The following FBXL17 variants were observed in gnomAD, a reference collection of about 807,000 sequenced individuals.
The protein encoded by FBXL17 is F-box and leucine rich repeat protein 17, also known as F-box/LRR-repeat protein 17.
A neutral mutation model predicts 66.2 loss-of-function variants in FBXL17; 22 were observed. The observed-to-expected ratio is 0.33, with a 90% CI of 0.24 to 0.47. The LOEUF (loss-of-function observed/expected upper bound fraction) is 0.47, where lower values mean the gene tolerates loss of function less well. Ranked by LOEUF, FBXL17 falls within the 20% of genes least tolerant of loss-of-function variation. The pLI is 1.00. For missense variants in FBXL17, 878 were observed against 948.2 expected (o/e 0.93, Z 0.97); for synonymous variants, 474 against 400.5 (o/e 1.18, Z -2.19).
intron 4 of FBXL17, among the ~76,000 whole-genome samples, chr5:108,328,851 C>CT (rs1182737331): frequency 1.4e-5 from 2 of 147,128 alleles, no homozygotes; most frequent in Non-Finnish European, 3.0e-5. Flanking sequence ...AAGAGATACT[C>CT]TAACTAATCA....
intron 8 of FBXL17, chr5:107,878,176 T>C: frequency 1.1e-6 from 1 of 901,200 alleles, no homozygotes; most frequent in Non-Finnish European, 1.3e-6. Flanking sequence ...AAAATAATCT[T>C]AATTTTAAAT....
intron 6 of FBXL17, among the ~76,000 whole-genome samples, chr5:108,162,684 A>G (rs1426673127): frequency 6.6e-6 from 1 of 152,232 alleles, no homozygotes; most frequent in Non-Finnish European, 1.5e-5. Context: ...TTCTACCTAT[A>G]CAACACTGGG....
chr5:108,319,556 T>G (rs1759523945), intron 4 of FBXL17, among the ~76,000 whole-genome samples: 1 of 151,786 alleles, frequency 6.6e-6, no homozygotes, highest in Admixed American at 6.6e-5. Flanking sequence ...AAAATACTAC[T>G]TTCAAGATAA....
chr5:108,242,352 G>GTTGT, intron 4 of FBXL17, among the ~76,000 whole-genome samples: 1 of 30,608 alleles, frequency 3.3e-5, no homozygotes. Context: ...TGGCTAGTTT[G>GTTGT]TTGTTGTTGT....
At chr5:107,968,701 G>T (rs1188378241) in intron 7 of FBXL17, among the ~76,000 whole-genome samples, 1 of 152,038 alleles carries the variant, frequency 6.6e-6, no homozygotes, top group African/African-American at 2.4e-5. Flanking sequence ...AATAAAAATT[G>T]CCTCTGAATA....
chr5:108,346,446 A>C (rs1250867915), intron 4 of FBXL17, among the ~76,000 whole-genome samples: 1 of 152,142 alleles, frequency 6.6e-6, no homozygotes, highest in Non-Finnish European at 1.5e-5. Context: ...AAAAACATAA[A>C]CAGTTGCTTT....
At chr5:108,189,691 G>C (rs1753389079) in intron 5 of FBXL17, among the ~76,000 whole-genome samples, 1 of 152,152 alleles carries the variant, frequency 6.6e-6, no homozygotes, top group Non-Finnish European at 1.5e-5. Flanking sequence ...GACACTGAAT[G>C]AATCAAAAGG....
At chr5:108,061,156 G>A (rs929286574) in intron 6 of FBXL17, among the ~76,000 whole-genome samples, 3 of 151,936 alleles carry the variant, frequency 2.0e-5, no homozygotes, top group African/African-American at 4.8e-5. Context: ...GCATAGTGGT[G>A]CATGCCTGTA....
In FBXL17 at chr5:108,364,976, T is replaced by C; in HGVS notation, c.1136A>G (p.Glu379Gly). 1 of 1,610,012 alleles carries C rather than the reference T, an allele frequency of 6.2e-7. No homozygotes were observed. The highest frequency in any genetic ancestry group is 8.5e-7 in the Non-Finnish European group (1 of 1,177,080). ...SRQQVTDELL[E>G]KIASRSQNII... ...ATTCTGACTTCTTGATGCAATTTTTTCCAACAATTCATCAGTGACCTGTAA... is the reference window on the plus strand; with the variant it reads ...ATTCTGACTTCTTGATGCAATTTTTCCCAACAATTCATCAGTGACCTGTAA... Residue 379 changes from glutamate (E) to glycine (G), a missense_variant, in exon 3 of 9, where the codon GAA becomes GGA. Around this residue, in one of 4 missense-constraint regions of FBXL17, gnomAD observed 236 missense variants for 389.1 expected, o/e 0.61. Transcript: ENST00000542267.
chr5:108,011,509 A>C (rs1457694712), intron 7 of FBXL17, among the ~76,000 whole-genome samples: 1 of 152,182 alleles, frequency 6.6e-6, no homozygotes, highest in Non-Finnish European at 1.5e-5. Flanking sequence ...TCTCAGGAGA[A>C]GAAAGTTAAT....
At chr5:108,065,780 C>A (rs1383997832) in intron 6 of FBXL17, among the ~76,000 whole-genome samples, 2 of 151,976 alleles carry the variant, frequency 1.3e-5, no homozygotes, top group African/African-American at 4.8e-5. Context: ...AGTTTCCAGG[C>A]AAAATTTCTC....
intron 4 of FBXL17, among the ~76,000 whole-genome samples, chr5:108,320,456 AT>A (rs896736188): frequency 7.9e-5 from 12 of 151,366 alleles, no homozygotes; most frequent in Admixed American, 1.3e-4. Flanking sequence ...CCAAAAAAAA[AT>A]TTTTTTTTGG....
chr5:108,262,076 T>A lies in FBXL17; in HGVS notation c.1507-37848A>T, dbSNP rs1171889369. On this transcript the variant is annotated intron_variant, in intron 4 of 8. Coordinates refer to ENST00000542267, the MANE Select transcript of FBXL17 (RefSeq NM_001163315.3). ...ATATTTTATTTATTTATTTATTTAT[T>A]TATTTATTTATTTTTTTTGAGACAG... Among the ~76,000 whole-genome samples the A allele has an allele frequency of 6.3e-4, 84 of 134,252 alleles. 2 individuals are homozygous for A. Among genetic ancestry groups the A allele is most frequent in the Middle Eastern group, 7.2e-3 (2 of 278 alleles). The allele number at this position is 134,252 out of a possible 152,430, so 88.1% of individuals were successfully genotyped here.
chr5:108,091,395 G>A (rs1561405286), intron 6 of FBXL17, among the ~76,000 whole-genome samples: 1 of 152,216 alleles, frequency 6.6e-6, no homozygotes, highest in Non-Finnish European at 1.5e-5. Context: ...CAAAATTACA[G>A]TAACAAAAGA....
At chr5:108,296,604 G>GT (rs1758359728) in intron 4 of FBXL17, among the ~76,000 whole-genome samples, 1 of 151,716 alleles carries the variant, frequency 6.6e-6, no homozygotes, top group Non-Finnish European at 1.5e-5. Context: ...TCACTTTGAT[G>GT]TCAGGAATGG....
chr5:108,332,692 C>T (rs1483245110), intron 4 of FBXL17, among the ~76,000 whole-genome samples: 3 of 152,010 alleles, frequency 2.0e-5, no homozygotes, highest in Admixed American at 6.6e-5. Flanking sequence ...ACTGCAACCT[C>T]CACTTCCTGG....
At chr5:108,323,231 T>G (rs984960549) in intron 4 of FBXL17, among the ~76,000 whole-genome samples, 1 of 151,594 alleles carries the variant, frequency 6.6e-6, no homozygotes, top group African/African-American at 2.4e-5. Context: ...ACAAAAGAAC[T>G]ATTATAATAA....
intron 6 of FBXL17, among the ~76,000 whole-genome samples, chr5:108,158,312 T>C (rs1752073730): frequency 6.6e-6 from 1 of 152,150 alleles, no homozygotes; most frequent in African/African-American, 2.4e-5. Context: ...TAATTCACAA[T>C]AGCCAAAAAC....
chr5:108,088,316 G>C (rs535675645), intron 6 of FBXL17, among the ~76,000 whole-genome samples: 16 of 152,104 alleles, frequency 1.1e-4, no homozygotes, highest in Non-Finnish European at 2.2e-4. Flanking sequence ...AAAATCCATG[G>C]ACATTCATCA....
Sources: allele counts gnomAD v4.1 joint callset (sites outside exome capture counted in the v4.1 genomes callset), GRCh38; gene constraint gnomAD v4.1.1; regional missense constraint gnomAD v4.1.1; transcripts MANE v1.5; gene names NCBI Gene and HGNC (gene_info 2026-07-23, HGNC 2026-07-21).